TMEM132B: variants seen among roughly 807,000 people sequenced by gnomAD.
The protein encoded by TMEM132B is transmembrane protein 132B.
In TMEM132B, 18 loss-of-function variants were observed where a neutral mutation model predicts 90.8. The observed-to-expected ratio is 0.20, with a 90% CI of 0.14 to 0.29. The LOEUF is 0.29. TMEM132B is among the 10% of genes least tolerant of loss of function. The pLI, the probability that TMEM132B is intolerant of heterozygous loss-of-function variation, is 1.00. For missense variants in TMEM132B, 1,096 were observed against 1,326.8 expected, an observed-to-expected ratio of 0.83 and a Z score of 2.70; for synonymous variants, 504 against 523.3, an observed-to-expected ratio of 0.96 and a Z score of 0.50.
intron 4 of TMEM132B, among the ~76,000 whole-genome samples, chr12:125,567,004 G>A (rs889839786): frequency 3.8e-4 from 58 of 151,740 alleles, no homozygotes; most frequent in Admixed American, 2.5e-3. Flanking sequence ...CCACCACACC[G>A]GCTAATTTTT....
rs1335420992 is a variant in TMEM132B, at chr12:125,657,334, CCCGT to C, written c.*2625_*2628del. 2 of 74,390 alleles carry C rather than the reference CCCGT, an allele frequency of 2.7e-5. No homozygotes were observed. Among genetic ancestry groups the C allele is most frequent in the African/African-American group, 9.1e-5 (2 of 21,878 alleles). The allele number at this position is 74,390 out of a possible 1,614,324, so 4.6% of individuals were successfully genotyped here. On this transcript the variant is annotated 3_prime_UTR_variant, in exon 9 of 9. Coordinates refer to ENST00000682704, the MANE Select transcript of TMEM132B (RefSeq NM_001366854.1). The stretch of plus-strand genomic sequence containing the variant: ...ATATAAACGCATATACATACATATA[CCCGT>C]GTGTGTGTGTGTGTGTGTGTGTGTG...
At chr12:125,495,344 T>C (rs1421223139) in intron 3 of TMEM132B, among the ~76,000 whole-genome samples, 3 of 133,550 alleles carry the variant, frequency 2.2e-5, no homozygotes, top group African/African-American at 8.7e-5. Flanking sequence ...GCTGTGTCCC[T>C]CCTCCCCCTC....
chr12:125,334,811 C>T (rs1397175516), intron 1 of TMEM132B, among the ~76,000 whole-genome samples: 1 of 152,202 alleles, frequency 6.6e-6, no homozygotes, highest in Non-Finnish European at 1.5e-5. Context: ...CATGCACGAC[C>T]GTCTCATTAG....
chr12:125,564,495 G>A (rs1217715160), intron 4 of TMEM132B, among the ~76,000 whole-genome samples: 1 of 152,170 alleles, frequency 6.6e-6, no homozygotes, highest in Non-Finnish European at 1.5e-5. Flanking sequence ...TTCTCAGAAG[G>A]ATGTGCAGGC....
intron 1 of TMEM132B, among the ~76,000 whole-genome samples, chr12:125,257,574 A>C (rs550278823): frequency 4.6e-5 from 7 of 152,230 alleles, no homozygotes; most frequent in African/African-American, 1.7e-4. Flanking sequence ...AGGCTGAATA[A>C]ACCTCCTTTC....
intron 1 of TMEM132B, among the ~76,000 whole-genome samples, chr12:125,238,387 C>CAAAAAAAAAAA (rs1565981391): frequency 7.3e-6 from 1 of 137,618 alleles, no homozygotes; most frequent in African/African-American, 2.7e-5. Context: ...CAAAAAAAAA[C>CAAAAAAAAAAA]CAAAAAAACA....
chr12:125,349,831 C>G lies in TMEM132B; in HGVS notation c.447C>G (p.Gly149=). The change falls in exon 2 of 9, where the codon GGC becomes GGG. Residue 149 remains glycine, a synonymous_variant. Transcript: ENST00000682704. This position sits in a 1 kb window ranked among gnomAD's most constrained non-coding sequence, Gnocchi z 4.1. Reference sequence around the variant, plus strand: ...TGCAGACCTTGTTTTATGTCACTGGCATGGGCTGGGATGACAGTGACCTTA... The same window carrying G: ...TGCAGACCTTGTTTTATGTCACTGGGATGGGCTGGGATGACAGTGACCTTA... The part of the protein sequence containing the change: ...PKVQTLFYVT[G]MGWDDSDLTE... The G allele has an allele frequency of 6.2e-7, 1 of 1,614,236 alleles. No homozygotes were observed. The highest frequency in any genetic ancestry group is 8.5e-7 in the Non-Finnish European group (1 of 1,180,048).
chr12:125,589,439 G>A (rs894264969), intron 5 of TMEM132B, among the ~76,000 whole-genome samples: 6 of 139,254 alleles, frequency 4.3e-5, no homozygotes, highest in Admixed American at 7.7e-5. Context: ...CCAAGATTGC[G>A]CCACTGCACC....
rs186489923 is a variant in TMEM132B at position 125,509,127 on chromosome 12, C to T, written c.1107-10312C>T. On this transcript the variant is annotated intron_variant, in intron 3 of 8. Transcript: ENST00000682704. ...TGTGTGACTCTGCTCTTCACTTTCC[C>T]CCTGTGGATATATAACAGGCACAGG... is the stretch of plus-strand genomic sequence containing the variant. Among the ~76,000 whole-genome samples the T allele has an allele frequency of 6.6e-4, 101 of 152,240 alleles. 3 individuals are homozygous for T. In the East Asian group the frequency reaches 0.018, roughly 28 times the overall value.
At chr12:125,225,919 T>C (rs1873672378) in intron 1 of TMEM132B, among the ~76,000 whole-genome samples, 1 of 152,142 alleles carries the variant, frequency 6.6e-6, no homozygotes, top group African/African-American at 2.4e-5. Context: ...TATGGTCAAA[T>C]CACCATCCTA....
At chr12:125,265,990 T>C (rs1050371503) in intron 1 of TMEM132B, among the ~76,000 whole-genome samples, 1 of 151,662 alleles carries the variant, frequency 6.6e-6, no homozygotes, top group Non-Finnish European at 1.5e-5. Context: ...GCACTTTGGG[T>C]GGCCGAGGCA....
At position 125,458,542 on chromosome 12, in the gene TMEM132B, A is replaced by G. The variant is rs969929576; in HGVS notation, c.1106+42865A>G. 1.3e-5 allele frequency among the ~76,000 whole-genome samples: 2 copies of G among 152,074 alleles called. No homozygotes were observed. Among genetic ancestry groups the G allele is most frequent in the African/African-American group, 4.8e-5 (2 of 41,414 alleles). On this transcript the variant is annotated intron_variant, in intron 3 of 8. Transcript: ENST00000682704. The surrounding 1 kb of genome is among the most constrained non-coding windows in gnomAD (Gnocchi z 4.9). The stretch of plus-strand genomic sequence containing the variant: ...GAGCTGAGGGCTGCACAATTCTCAG[A>G]GCTCCCTCAGGGCTGGGGGATGGTT...
At chr12:125,589,657 G>A (rs549422898) in intron 5 of TMEM132B, among the ~76,000 whole-genome samples, 25 of 152,104 alleles carry the variant, frequency 1.6e-4, no homozygotes, top group Non-Finnish European at 7.4e-5. Context: ...AGGAGGAGCA[G>A]ACACATCTTA....
chr12:125,489,080 CA>C (rs1310837342), intron 3 of TMEM132B, among the ~76,000 whole-genome samples: 1 of 152,216 alleles, frequency 6.6e-6, no homozygotes, highest in East Asian at 1.9e-4. Context: ...TTCCCTAAAG[CA>C]ATACATTTGC....
intron 5 of TMEM132B, among the ~76,000 whole-genome samples, chr12:125,590,875 G>A (rs747243462): frequency 1.3e-5 from 2 of 152,190 alleles, no homozygotes; most frequent in African/African-American, 2.4e-5. Flanking sequence ...TCTAGAAGGT[G>A]CTGTAGCTCA....
chr12:125,344,421 G>T (rs1877292469), intron 1 of TMEM132B, among the ~76,000 whole-genome samples: 4 of 152,178 alleles, frequency 2.6e-5, no homozygotes. Context: ...TGGGCTAGAG[G>T]GAAAAGGGGA....
At chr12:125,271,326 A>G (rs942825957) in intron 1 of TMEM132B, among the ~76,000 whole-genome samples, 1 of 152,040 alleles carries the variant, frequency 6.6e-6, no homozygotes, top group Non-Finnish European at 1.5e-5. Context: ...TGGAGAACAA[A>G]TGGCAGACTC....
chr12:125,310,325 C>T (rs1876093023), intron 1 of TMEM132B, among the ~76,000 whole-genome samples: 1 of 152,176 alleles, frequency 6.6e-6, no homozygotes, highest in Non-Finnish European at 1.5e-5. Flanking sequence ...TGTGGGAGAC[C>T]CGGACAGAGG....
intron 4 of TMEM132B, among the ~76,000 whole-genome samples, chr12:125,564,525 C>G (rs946119650): frequency 6.6e-6 from 1 of 152,230 alleles, no homozygotes; most frequent in Non-Finnish European, 1.5e-5. Context: ...GTCCATAAGA[C>G]AGATTGTTCG....
Sources: gnomAD v4.1 joint callset for allele counts (sites outside exome capture counted in the v4.1 genomes callset) on GRCh38, gnomAD v4.1.1 for gene constraint, Gnocchi (gnomAD v3.1) non-coding constraint, MANE v1.5 for transcripts, NCBI Gene and HGNC (gene_info 2026-07-23, HGNC 2026-07-21) for gene names.